The following MTUS2 variants were observed in gnomAD, a reference collection of about 807,000 sequenced individuals.
MTUS2 encodes the protein microtubule associated scaffold protein 2, also known as microtubule-associated tumor suppressor candidate 2.
MTUS2 carries 40 observed loss-of-function variants against 114.1 expected under a neutral mutation model. The ratio of observed to expected loss-of-function variants is 0.35; its 90% CI spans 0.27 to 0.46. MTUS2 has a LOEUF of 0.46. MTUS2 is among the 20% of genes least tolerant of loss of function. The pLI, the probability that MTUS2 is intolerant of heterozygous loss-of-function variation, is 1.00. For missense variants in MTUS2, 1,679 were observed against 1,705.4 expected, an observed-to-expected ratio of 0.98 and a Z score of 0.27; for synonymous variants, 688 against 672.0, an observed-to-expected ratio of 1.02 and a Z score of -0.37.
At chr13:29,050,365 TC>T (rs949199652) in intron 4 of MTUS2, among the ~76,000 whole-genome samples, 62 of 152,208 alleles carry the variant, frequency 4.1e-4, no homozygotes, top group African/African-American at 1.4e-3. Flanking sequence ...AGAAGCTTAT[TC>T]CAGCCACCAA....
At chr13:29,297,064 A>G (rs1210033765) in intron 6 of MTUS2, among the ~76,000 whole-genome samples, 1 of 151,868 alleles carries the variant, frequency 6.6e-6, no homozygotes, top group Non-Finnish European at 1.5e-5. Context: ...TTCTTCTAGT[A>G]TTTTCATAGT....
At chr13:29,061,615 A>C (rs914989651) in intron 4 of MTUS2, among the ~76,000 whole-genome samples, 12 of 151,910 alleles carry the variant, frequency 7.9e-5, no homozygotes, top group Non-Finnish European at 1.6e-4. Flanking sequence ...TGTATCTTCA[A>C]CTTACCATGA....
At chr13:29,244,314 A>ATGGGTGCAGGTGATCGAG (rs1896832205) in intron 5 of MTUS2, among the ~76,000 whole-genome samples, 1 of 152,170 alleles carries the variant, frequency 6.6e-6, no homozygotes, top group South Asian at 2.1e-4. Context: ...AGGGAGACTT[A>ATGGGTGCAGGTGATCGAG]CAGTCATGAT....
chr13:29,085,552 C>T (rs971989460), intron 4 of MTUS2, among the ~76,000 whole-genome samples: 1 of 152,082 alleles, frequency 6.6e-6, no homozygotes, highest in African/African-American at 2.4e-5. Flanking sequence ...GCTTTCTGTC[C>T]CTGTGTTAAT....
At position 29,024,802 on chromosome 13, in the gene MTUS2, C is replaced by A. The variant is rs548916506; in HGVS notation, c.104C>A (p.Thr35Lys). 2 of 1,613,944 alleles carry A rather than the reference C, an allele frequency of 1.2e-6. No individual in the cohort carries two copies. Among genetic ancestry groups the A allele is most frequent in the East Asian group, 2.2e-5 (1 of 44,872 alleles). ...NNESILSLGDTNANQIMLEVS... is the reference protein window; with the variant it reads ...NNESILSLGDKNANQIMLEVS... The stretch of plus-strand genomic sequence containing the variant: ...GAAAGCATCTTAAGTCTGGGAGATA[C>A]GAATGCCAATCAAATCATGTTGGAG... Residue 35 changes from threonine (T) to lysine (K), a missense_variant, in exon 3 of 16, where the codon ACG (threonine) becomes AAG (lysine). This residue lies in a region of MTUS2 where 843 missense variants were observed against 770.8 expected (regional missense o/e 1.09). Coordinates refer to ENST00000612955, the MANE Select transcript of MTUS2 (RefSeq NM_001033602.4).
chr13:29,219,441 ATG>A (rs1415129348), intron 5 of MTUS2, among the ~76,000 whole-genome samples: 1 of 151,752 alleles, frequency 6.6e-6, no homozygotes, highest in Non-Finnish European at 1.5e-5. Context: ...ATACGTGTGC[ATG>A]TGTGTTTATA....
At chr13:28,966,333 T>C (rs1268979007) in intron 2 of MTUS2, among the ~76,000 whole-genome samples, 1 of 152,216 alleles carries the variant, frequency 6.6e-6, no homozygotes, top group African/African-American at 2.4e-5. Flanking sequence ...TTTAAAGATA[T>C]TCAGTTTATT....
intron 6 of MTUS2, among the ~76,000 whole-genome samples, chr13:29,300,150 T>C (rs1392177938): frequency 1.3e-5 from 2 of 152,182 alleles, no homozygotes; most frequent in Non-Finnish European, 2.9e-5. Flanking sequence ...GAATAATATT[T>C]TAGGTAATTT....
At chr13:29,336,741 A>G (rs964933166) in intron 7 of MTUS2, among the ~76,000 whole-genome samples, 2 of 152,192 alleles carry the variant, frequency 1.3e-5, no homozygotes, top group African/African-American at 4.8e-5. Context: ...AGCTGCACCC[A>G]CACCTGCCCC....
intron 8 of MTUS2, among the ~76,000 whole-genome samples, chr13:29,420,188 C>T (rs1875971546): frequency 6.6e-6 from 1 of 152,134 alleles, no homozygotes; most frequent in East Asian, 1.9e-4. Context: ...GAAATCTATC[C>T]TGATATCTAT....
chr13:28,833,890 C>G (rs949412652), intron 1 of MTUS2, among the ~76,000 whole-genome samples: 1 of 151,736 alleles, frequency 6.6e-6, no homozygotes, highest in African/African-American at 2.4e-5. Flanking sequence ...TCTGCACTTA[C>G]AATTAATATG....
At chr13:29,291,312 G>C (rs962116426) in intron 6 of MTUS2, among the ~76,000 whole-genome samples, 2 of 152,240 alleles carry the variant, frequency 1.3e-5, no homozygotes, top group Admixed American at 6.5e-5. Context: ...GAGCCAGTGA[G>C]ACACGCCATG....
intron 2 of MTUS2, among the ~76,000 whole-genome samples, chr13:28,935,806 T>C (rs1881872302): frequency 6.6e-6 from 1 of 151,932 alleles, no homozygotes; most frequent in Non-Finnish European, 1.5e-5. Context: ...CCGAGTGCAG[T>C]GGTGTGATCA....
chr13:29,486,896 C>T (rs1007771598), intron 10 of MTUS2, among the ~76,000 whole-genome samples: 17 of 151,948 alleles, frequency 1.1e-4, no homozygotes, highest in African/African-American at 7.3e-5. Context: ...AGGGAGAGGT[C>T]GTTTTAGACA....
chr13:29,468,520 G>T (rs1415442153), intron 9 of MTUS2, among the ~76,000 whole-genome samples: 3 of 151,960 alleles, frequency 2.0e-5, no homozygotes, highest in African/African-American at 7.2e-5. Flanking sequence ...CACAGAGGTT[G>T]CAGAGAGTTG....
intron 6 of MTUS2, among the ~76,000 whole-genome samples, chr13:29,303,820 C>G (rs1899313951): frequency 6.6e-6 from 1 of 151,990 alleles, no homozygotes. Flanking sequence ...AAGATCAACC[C>G]CAAGACACAG....
intron 8 of MTUS2, among the ~76,000 whole-genome samples, chr13:29,432,124 A>G (rs1255164599): frequency 6.7e-6 from 1 of 149,650 alleles, no homozygotes; most frequent in East Asian, 2.0e-4. Flanking sequence ...AAATGTTGGG[A>G]TAATAGGTGT....
At chr13:29,236,785 A>G (rs758963015) in intron 5 of MTUS2, among the ~76,000 whole-genome samples, 7 of 152,198 alleles carry the variant, frequency 4.6e-5, no homozygotes, top group Admixed American at 3.9e-4. Flanking sequence ...AACAGGTGCT[A>G]TTGTTACCAT....
intron 5 of MTUS2, among the ~76,000 whole-genome samples, chr13:29,115,866 A>G (rs976082341): frequency 6.6e-6 from 1 of 152,188 alleles, no homozygotes; most frequent in Non-Finnish European, 1.5e-5. Context: ...GTTCCCTCCA[A>G]CTGATTCTTT....
Sources: allele counts gnomAD v4.1 joint callset (sites outside exome capture counted in the v4.1 genomes callset), GRCh38; gene constraint gnomAD v4.1.1; regional missense constraint gnomAD v4.1.1; transcripts MANE v1.5; gene names NCBI Gene and HGNC (gene_info 2026-07-23, HGNC 2026-07-21).